ZFHX3: variants seen among roughly 807,000 people sequenced by gnomAD.
ZFHX3 encodes zinc finger homeobox 3.
Under a neutral mutation model 279.1 loss-of-function variants are expected in ZFHX3, and 42 were observed. That is an observed-to-expected ratio of 0.15 (90% CI 0.12 to 0.19). The LOEUF is 0.19. Among genes scored for constraint, ZFHX3 ranks in the 10% least tolerant of loss-of-function variants. The pLI, the probability that ZFHX3 is intolerant of heterozygous loss-of-function variation, is 1.00. For missense variants in ZFHX3, 4,981 were observed against 4,754.0 expected (o/e 1.05, Z -1.40); for synonymous variants, 2,293 against 1,957.8 (o/e 1.17, Z -4.52).
At chr16:73,731,466 GT>G (rs112578865) in intron 1 of ZFHX3, among the ~76,000 whole-genome samples, 10,816 of 145,320 alleles carry the variant, frequency 0.074, 525 homozygotes, top group African/African-American at 0.14. Flanking sequence ...TAAAAAGGGT[GT>G]TTTTTTTTTT....
exon 1 of ZFHX3, chr16:73,058,575 ACGGCGG>A (rs1233966207): frequency 1.6e-5 from 3 of 182,138 alleles, no homozygotes; most frequent in Non-Finnish European, 3.2e-5. Context: ...GCTGCTGGCG[ACGGCGG>A]CGGCGGCGGG....
intron 4 of ZFHX3, among the ~76,000 whole-genome samples, chr16:73,280,391 A>G (rs1162144300): frequency 1.3e-5 from 2 of 152,228 alleles, no homozygotes; most frequent in African/African-American, 2.4e-5. Context: ...TTAAAAACTC[A>G]TACAACTGAA....
chr16:73,431,480 G>A (rs1054690056), intron 3 of ZFHX3, among the ~76,000 whole-genome samples: 2 of 152,116 alleles, frequency 1.3e-5, no homozygotes, highest in Non-Finnish European at 2.9e-5. Context: ...GGTGTACGTT[G>A]CAGTGCGCCA....
intron 2 of ZFHX3, among the ~76,000 whole-genome samples, chr16:73,456,423 C>T (rs1249949501): frequency 6.6e-6 from 1 of 152,134 alleles, no homozygotes; most frequent in Non-Finnish European, 1.5e-5. Flanking sequence ...TCACCTTCCA[C>T]ACTACCCAAA....
At chr16:73,318,787 G>A (rs926200057) in intron 3 of ZFHX3, among the ~76,000 whole-genome samples, 15 of 152,178 alleles carry the variant, frequency 9.9e-5, no homozygotes, top group Admixed American at 7.9e-4. Context: ...ATTATATCTT[G>A]TAATTAGTTT....
In ZFHX3 at chr16:72,796,909, C is replaced by G; in HGVS notation, c.5773G>C (p.Gly1925Arg). ...GGGAGCATGGAAGGCTCAGAACCAC[C>G]CCCTGGTGCCAACTCTTTCTTCTCT... ...AKEKKELAPG[G>R]GSEPSMLPPR... The change falls in exon 9 of 10, where the codon GGT becomes CGT. Residue 1925 changes from glycine (G) to arginine (R), a missense_variant. Transcript: ENST00000268489. The G allele has an allele frequency of 1.2e-6, 2 of 1,613,894 alleles. No individual in the cohort carries two copies. The highest frequency in any genetic ancestry group is 1.7e-6 in the Non-Finnish European group (2 of 1,179,994).
At chr16:73,630,575 AGGAAT>A (rs1187590502) in intron 2 of ZFHX3, among the ~76,000 whole-genome samples, 2 of 152,174 alleles carry the variant, frequency 1.3e-5, no homozygotes, top group Non-Finnish European at 2.9e-5. Flanking sequence ...ACCAAATCTG[AGGAAT>A]GGACGTGCCA....
chr16:72,810,525 T>C (rs2036414058), intron 7 of ZFHX3, among the ~76,000 whole-genome samples: 1 of 152,228 alleles, frequency 6.6e-6, no homozygotes. Flanking sequence ...TAGTCAAAAG[T>C]AGGACATCAC....
chr16:73,060,733 CATT>C (rs1052281725), upstream of ZFHX3: 1 of 152,074 alleles, frequency 6.6e-6, no homozygotes, highest in Admixed American at 6.6e-5. Context: ...TTTTTGAAGG[CATT>C]ATTAGTAAAC....
intron 7 of ZFHX3, among the ~76,000 whole-genome samples, chr16:73,129,794 T>C (rs1304558822): frequency 6.6e-6 from 1 of 152,072 alleles, no homozygotes; most frequent in Non-Finnish European, 1.5e-5. Context: ...ATTTTGGGTA[T>C]GGGCTAAGGA....
At chr16:73,598,443 G>T (rs921900625) in intron 2 of ZFHX3, among the ~76,000 whole-genome samples, 1 of 150,192 alleles carries the variant, frequency 6.7e-6, no homozygotes, top group Non-Finnish European at 1.5e-5. Flanking sequence ...TTTTTGACAG[G>T]ATCTTACTCT....
intron 5 of ZFHX3, among the ~76,000 whole-genome samples, chr16:73,171,498 GGGGCGGGGT>G (rs1967521958): frequency 1.4e-5 from 2 of 138,728 alleles, no homozygotes; most frequent in Admixed American, 1.4e-4. Flanking sequence ...AATGGCGGGG[GGGGCGGGGT>G]GGGGGGCGGG....
chr16:73,562,553 G>A (rs1026948033), intron 2 of ZFHX3, among the ~76,000 whole-genome samples: 3 of 140,714 alleles, frequency 2.1e-5, no homozygotes, highest in Admixed American at 7.8e-5. Context: ...CCGAGATGGC[G>A]CCACTGAACT....
intron 3 of ZFHX3, among the ~76,000 whole-genome samples, chr16:73,354,818 C>T (rs1447061780): frequency 2.6e-5 from 4 of 152,140 alleles, no homozygotes; most frequent in South Asian, 2.1e-4. Context: ...GAGTATCTCC[C>T]GGCATCAGCC....
At chr16:72,942,783 G>T (rs1217029601) in intron 3 of ZFHX3, among the ~76,000 whole-genome samples, 1 of 152,098 alleles carries the variant, frequency 6.6e-6, no homozygotes, top group Non-Finnish European at 1.5e-5. Context: ...TCTCCATTAA[G>T]GTGCCCTAAA....
At chr16:73,875,915 A>ATT (rs1468321383) in intron 1 of ZFHX3, among the ~76,000 whole-genome samples, 1 of 152,134 alleles carries the variant, frequency 6.6e-6, no homozygotes, top group Non-Finnish European at 1.5e-5. Context: ...TATACACATG[A>ATT]TTTTGCTTTT....
intron 2 of ZFHX3, among the ~76,000 whole-genome samples, chr16:73,501,450 C>G (rs541476179): frequency 6.6e-6 from 1 of 152,196 alleles, no homozygotes; most frequent in Non-Finnish European, 1.5e-5. Flanking sequence ...ACCATACAGG[C>G]TCTCCCTTAT....
At chr16:73,487,455 T>C in intron 2 of ZFHX3, 2 of 439,672 alleles carry the variant, frequency 4.5e-6, no homozygotes. Context: ...CAGGCTGGAG[T>C]GCCAGCATGA....
chr16:73,632,049 A>G (rs1294303973), intron 2 of ZFHX3, among the ~76,000 whole-genome samples: 3 of 152,222 alleles, frequency 2.0e-5, no homozygotes, highest in Admixed American at 6.5e-5. Flanking sequence ...TAACTAAAAA[A>G]TGAAAAGAGG....
Sources: gnomAD v4.1 joint callset for allele counts (sites outside exome capture counted in the v4.1 genomes callset) on GRCh38, gnomAD v4.1.1 for gene constraint, MANE v1.5 for transcripts, NCBI Gene and HGNC (gene_info 2026-07-23, HGNC 2026-07-21) for gene names.